PBX3: variants seen among roughly 807,000 people sequenced by gnomAD.
PBX3 encodes the protein PBX homeobox 3.
A neutral mutation model predicts 48.5 loss-of-function variants in PBX3; 14 were observed. The ratio of observed to expected loss-of-function variants is 0.29; its 90% CI spans 0.19 to 0.45. The LOEUF is 0.45. Ranked by LOEUF, PBX3 falls within the 20% of genes least tolerant of loss-of-function variation. PBX3 has a pLI of 1.00. For missense variants in PBX3, 386 were observed against 546.7 expected, an observed-to-expected ratio of 0.71 and a Z score of 2.93; for synonymous variants, 210 against 200.3, an observed-to-expected ratio of 1.05 and a Z score of -0.41.
At chr9:125,841,521 C>T (rs1018369897) in intron 2 of PBX3, among the ~76,000 whole-genome samples, 1 of 152,256 alleles carries the variant, frequency 6.6e-6, no homozygotes, top group East Asian at 1.9e-4. Flanking sequence ...CATTTATAAC[C>T]ATTCTACTTT....
chr9:125,953,656 A>C (rs1054876847), intron 5 of PBX3, among the ~76,000 whole-genome samples: 2 of 152,208 alleles, frequency 1.3e-5, no homozygotes, highest in African/African-American at 4.8e-5. Context: ...TTATTTCTTT[A>C]ATCTGAACTT....
intron 2 of PBX3, among the ~76,000 whole-genome samples, chr9:125,812,502 T>C (rs1838320047): frequency 6.6e-6 from 1 of 152,262 alleles, no homozygotes; most frequent in African/African-American, 2.4e-5. Context: ...ATTCTGTTAC[T>C]TTAATTGATA....
chr9:125,876,049 A>G (rs1211298156), intron 2 of PBX3, among the ~76,000 whole-genome samples: 1 of 152,210 alleles, frequency 6.6e-6, no homozygotes, highest in Non-Finnish European at 1.5e-5. Context: ...TTACAGTTCA[A>G]TAATAATACA....
At chr9:125,936,241 G>A (rs2132531635) in intron 5 of PBX3, among the ~76,000 whole-genome samples, 1 of 152,288 alleles carries the variant, frequency 6.6e-6, no homozygotes, top group East Asian at 1.9e-4. Flanking sequence ...TAGTCAGATA[G>A]ACTGGTATTT....
intron 2 of PBX3, among the ~76,000 whole-genome samples, chr9:125,757,709 A>G (rs1836558063): frequency 6.6e-6 from 1 of 152,152 alleles, no homozygotes; most frequent in Admixed American, 6.6e-5. Context: ...CTAACATGAA[A>G]AGTTGTATTT....
At chr9:125,881,187 T>A (rs1404783635) in intron 2 of PBX3, among the ~76,000 whole-genome samples, 1 of 152,248 alleles carries the variant, frequency 6.6e-6, no homozygotes, top group African/African-American at 2.4e-5. Context: ...CTCATCTTTG[T>A]ATTTACTCCA....
chr9:125,795,077 A>G (rs1316139675), intron 2 of PBX3, among the ~76,000 whole-genome samples: 3 of 152,204 alleles, frequency 2.0e-5, no homozygotes, highest in Non-Finnish European at 4.4e-5. Context: ...TTGTAATACT[A>G]CTTCTGTTGC....
intron 2 of PBX3, among the ~76,000 whole-genome samples, chr9:125,899,259 TTATA>T (rs1389325374): frequency 8.0e-6 from 1 of 124,518 alleles, no homozygotes; most frequent in Non-Finnish European, 1.7e-5. Flanking sequence ...GTATATATAT[TTATA>T]TATAAATATA....
intron 2 of PBX3, among the ~76,000 whole-genome samples, chr9:125,828,810 T>A (rs1838877908): frequency 6.6e-6 from 1 of 152,250 alleles, no homozygotes; most frequent in Non-Finnish European, 1.5e-5. Flanking sequence ...GACAGATTTG[T>A]TTGCCTTTAT....
intron 2 of PBX3, among the ~76,000 whole-genome samples, chr9:125,816,671 C>T (rs938380297): frequency 6.6e-6 from 1 of 152,116 alleles, no homozygotes; most frequent in Non-Finnish European, 1.5e-5. Flanking sequence ...GGGTTCAGTT[C>T]TCTTTATATT....
intron 2 of PBX3, among the ~76,000 whole-genome samples, chr9:125,867,159 A>T (rs1034461411): frequency 7.2e-5 from 11 of 152,098 alleles, no homozygotes; most frequent in African/African-American, 2.7e-4. Context: ...CAAATGATGC[A>T]TTTCACCCTA....
At chr9:125,765,956 C>G (rs1031796722) in intron 2 of PBX3, among the ~76,000 whole-genome samples, 1 of 152,126 alleles carries the variant, frequency 6.6e-6, no homozygotes, top group African/African-American at 2.4e-5. Flanking sequence ...TTGATATTTT[C>G]TGAGTCATTA....
At chr9:125,788,166 A>T (rs1837506882) in intron 2 of PBX3, among the ~76,000 whole-genome samples, 1 of 152,216 alleles carries the variant, frequency 6.6e-6, no homozygotes, top group Non-Finnish European at 1.5e-5. Context: ...TAATGTGGAG[A>T]TCATGCTATG....
At chr9:125,896,088 T>C (rs1004645716) in intron 2 of PBX3, among the ~76,000 whole-genome samples, 2 of 152,060 alleles carry the variant, frequency 1.3e-5, no homozygotes, top group Non-Finnish European at 2.9e-5. Flanking sequence ...CCACTAAATA[T>C]ATGGATTATA....
intron 2 of PBX3, among the ~76,000 whole-genome samples, chr9:125,788,856 C>G (rs1837526194): frequency 6.6e-6 from 1 of 151,464 alleles, no homozygotes; most frequent in Non-Finnish European, 1.5e-5. Context: ...GCCTGGGCGA[C>G]AGAGCGAGAC....
chr9:125,881,803 C>G (rs1188963442), intron 2 of PBX3, among the ~76,000 whole-genome samples: 1 of 151,904 alleles, frequency 6.6e-6, no homozygotes. Flanking sequence ...TCTAGACTTA[C>G]AAATCCTTAA....
intron 7 of PBX3, 57 bp from the exon 8 acceptor site, chr9:125,962,954 TA>T: frequency 2.2e-6 from 2 of 892,206 alleles, no homozygotes; most frequent in Non-Finnish European, 3.6e-6. Flanking sequence ...TTTCCTTTTG[TA>T]AGTGATGACG....
intron 2 of PBX3, among the ~76,000 whole-genome samples, chr9:125,812,093 A>G (rs1342443351): frequency 6.6e-6 from 1 of 152,238 alleles, no homozygotes; most frequent in South Asian, 2.1e-4. Context: ...TTCACCAGAT[A>G]CTTAATCCAC....
intron 2 of PBX3, among the ~76,000 whole-genome samples, chr9:125,895,017 G>A (rs1840737562): frequency 6.6e-6 from 1 of 152,048 alleles, no homozygotes; most frequent in Admixed American, 6.5e-5. Context: ...AGAATGGGTC[G>A]TGATTTTGGG....
Sources: allele counts gnomAD v4.1 joint callset (sites outside exome capture counted in the v4.1 genomes callset), GRCh38; gene constraint gnomAD v4.1.1; transcripts MANE v1.5; gene names NCBI Gene and HGNC (gene_info 2026-07-23, HGNC 2026-07-21).